MTOR: variants seen among roughly 807,000 people sequenced by gnomAD.
The protein encoded by MTOR is mechanistic target of rapamycin kinase, also known as serine/threonine-protein kinase mTOR.
In MTOR, 70 loss-of-function variants were observed where a neutral mutation model predicts 319.8. The ratio of observed to expected loss-of-function variants is 0.22; its 90% confidence interval spans 0.18 to 0.27. The LOEUF (loss-of-function observed/expected upper bound fraction) is 0.27, where lower values mean the gene tolerates loss of function less well. MTOR is among the 10% of genes least tolerant of loss of function. MTOR has a pLI of 1.00. For synonymous variants in MTOR, 1,183 were observed against 1,211.4 expected (o/e 0.98, Z 0.49); for missense variants, 1,890 against 3,274.4 (o/e 0.58, Z 10.32).
intron 19 of MTOR, among the ~76,000 whole-genome samples, chr1:11,225,682 A>G (rs1490238862): frequency 2.0e-5 from 3 of 152,196 alleles, no homozygotes; most frequent in African/African-American, 4.8e-5. Context: ...TTGGCCTCCC[A>G]AAGTGCTGGG....
At position 11,253,947 on chromosome 1, in the gene MTOR, T is replaced by C; in HGVS notation, c.732A>G (p.Gly244=). The part of the protein sequence containing the change: ...YRHTFEEAEK[G]FDETLAKEKG... ...TCTCTTTGGCCAAGGTCTCATCAAA[T>C]CCCTTCTCTGCTTCTTCAAATGTGT... Residue 244 remains glycine, a synonymous_variant, in exon 6 of 58, where the codon GGA becomes GGG. Transcript: ENST00000361445. 6.2e-7 allele frequency: 1 copy of C among 1,614,062 alleles called. No homozygotes were observed. Among genetic ancestry groups the C allele is most frequent in the Non-Finnish European group, 8.5e-7 (1 of 1,180,006 alleles).
At chr1:11,147,841 C>G (rs752202829) in intron 31 of MTOR, among the ~76,000 whole-genome samples, 1 of 152,168 alleles carries the variant, frequency 6.6e-6, no homozygotes, top group Non-Finnish European at 1.5e-5. Context: ...ATTGATAATC[C>G]TCTTAGCTGG....
At chr1:11,188,427 A>T (rs1366968198) in intron 28 of MTOR, among the ~76,000 whole-genome samples, 1 of 152,232 alleles carries the variant, frequency 6.6e-6, no homozygotes, top group Non-Finnish European at 1.5e-5. Flanking sequence ...CCAGCAAAGA[A>T]AGAGGGAAAT....
In MTOR at chr1:11,231,255, C is replaced by A. The variant is rs371075972; in HGVS notation, c.2649+45G>T. The A allele has an allele frequency of 2.5e-6, 4 of 1,610,824 alleles. No individual in the cohort carries two copies. In the African/African-American group the frequency reaches 5.3e-5, roughly 22 times the overall value. On this transcript the variant is annotated intron_variant, in intron 17 of 57. Coordinates refer to ENST00000361445, the MANE Select transcript of MTOR (RefSeq NM_004958.4). ...GCTGCAACCATCTCTCTCTTGCCATCGTCCCAGCAAAGTCTTTAAAGACCA... is the reference window on the plus strand; with the variant it reads ...GCTGCAACCATCTCTCTCTTGCCATAGTCCCAGCAAAGTCTTTAAAGACCA...
intron 54 of MTOR, among the ~76,000 whole-genome samples, chr1:11,112,297 A>G (rs1458972777): frequency 6.6e-6 from 1 of 152,176 alleles, no homozygotes; most frequent in Non-Finnish European, 1.5e-5. Context: ...CAACCCAGAC[A>G]CCATTAGTGA....
At chr1:11,138,398 AG>A (rs1643531075) in intron 36 of MTOR, among the ~76,000 whole-genome samples, 1 of 152,230 alleles carries the variant, frequency 6.6e-6, no homozygotes, top group African/African-American at 2.4e-5. Flanking sequence ...CCCAAAGACC[AG>A]GTGCCTGGGT....
At chr1:11,243,369 G>T in intron 8 of MTOR, 69 bp from the exon 9 acceptor site, 1 of 1,413,692 alleles carries the variant, frequency 7.1e-7, no homozygotes, top group Non-Finnish European at 9.7e-7. Context: ...ACAGTCAAAG[G>T]TCCTATAAAG....
chr1:11,214,513 T>G (rs1052278438), intron 20 of MTOR, among the ~76,000 whole-genome samples: 1 of 151,762 alleles, frequency 6.6e-6, no homozygotes, highest in Non-Finnish European at 1.5e-5. Context: ...GAAACCCTAC[T>G]AATGATGGCA....
intron 19 of MTOR, among the ~76,000 whole-genome samples, chr1:11,226,514 G>A (rs905111722): frequency 6.6e-6 from 1 of 152,124 alleles, no homozygotes; most frequent in African/African-American, 2.4e-5. Context: ...AAGTAGGCCG[G>A]GTACAGTGGC....
intron 24 of MTOR, among the ~76,000 whole-genome samples, chr1:11,210,179 T>C (rs1264712552): frequency 2.6e-5 from 4 of 152,218 alleles, no homozygotes; most frequent in Non-Finnish European, 5.9e-5. Flanking sequence ...TTAATCTACT[T>C]TGAGATAGGG....
chr1:11,241,922 G>T (rs958028150), intron 9 of MTOR, among the ~76,000 whole-genome samples: 2 of 152,108 alleles, frequency 1.3e-5, no homozygotes, highest in Non-Finnish European at 2.9e-5. Flanking sequence ...CCTTTTTTCT[G>T]AATTCACACA....
chr1:11,180,364 A>G (rs555907070), intron 28 of MTOR, among the ~76,000 whole-genome samples: 60 of 152,298 alleles, frequency 3.9e-4, no homozygotes, highest in Admixed American at 6.5e-4. Flanking sequence ...CAATATTGGC[A>G]CCCTGGAAAC....
At chr1:11,202,462 AT>A (rs530484103) in intron 26 of MTOR, among the ~76,000 whole-genome samples, 2 of 149,548 alleles carry the variant, frequency 1.3e-5, no homozygotes, top group South Asian at 2.1e-4. Context: ...TTAAAACAAT[AT>A]TTTTTTTGGC....
At position 11,231,394 on chromosome 1, in the gene MTOR, C is replaced by G. The variant is rs2100868289; in HGVS notation, c.2555G>C (p.Gly852Ala). Residue 852 changes from glycine (G) to alanine (A), a missense_variant, in exon 17 of 58, where the codon GGC (glycine) becomes GCC (alanine). This residue lies in a region of MTOR where 377 missense variants were observed against 653.9 expected (regional missense o/e 0.58). Transcript: ENST00000361445. ...CTTCCTGTAGGGCTCTACTACATAG[C>G]CAGTGCTGGCCACCAACTGTCCCAG... is the stretch of plus-strand genomic sequence containing the variant. The part of the protein sequence containing the change: ...WTLGQLVAST[G>A]YVVEPYRKYP... 1 of 1,614,146 alleles carries G rather than the reference C, an allele frequency of 6.2e-7. No homozygotes were observed. Among genetic ancestry groups the G allele is most frequent in the Non-Finnish European group, 8.5e-7 (1 of 1,180,010 alleles).
rs377546365 is a variant in MTOR at position 11,185,803 on chromosome 1, C to T, written c.4253+13455G>A. Among the ~76,000 whole-genome samples, 50 of 152,082 alleles carry T rather than the reference C, an allele frequency of 3.3e-4. No homozygotes were observed. The South Asian group carries it at 7.9e-3, about 24-fold the overall frequency. Reference sequence around the variant, plus strand: ...AGTGCTAGAAAGGCAGATATGTGGCCGGGCATGATGACTCACACCTGTAAT... The same window carrying T: ...AGTGCTAGAAAGGCAGATATGTGGCTGGGCATGATGACTCACACCTGTAAT... On this transcript the variant is annotated intron_variant, in intron 28 of 57. Coordinates refer to ENST00000361445, the MANE Select transcript of MTOR (RefSeq NM_004958.4).
chr1:11,146,347 G>A (rs1643928961), intron 32 of MTOR, among the ~76,000 whole-genome samples: 2 of 152,208 alleles, frequency 1.3e-5, no homozygotes, highest in African/African-American at 4.8e-5. Flanking sequence ...GCTGCACAGT[G>A]AGACTGCTGG....
At chr1:11,123,147 T>C (rs1642631051) in intron 47 of MTOR, among the ~76,000 whole-genome samples, 1 of 152,202 alleles carries the variant, frequency 6.6e-6, no homozygotes, top group Admixed American at 6.5e-5. Flanking sequence ...GCTGGATTCT[T>C]TGGAGGTTGT....
At position 11,128,580 on chromosome 1, in the gene MTOR, G is replaced by C. The variant is rs778464345; in HGVS notation, c.5812-28C>G. ...GGTATTCAAAAAGACACAGTATGTA[G>C]CATATGAGACTTGAAACAACTAGTT... On this transcript the variant is annotated intron_variant, in intron 41 of 57. Coordinates refer to ENST00000361445, the MANE Select transcript of MTOR (RefSeq NM_004958.4). This position sits in a 1 kb window ranked among gnomAD's most constrained non-coding sequence, Gnocchi z 5.3. 22 of 1,592,118 alleles carry C rather than the reference G, an allele frequency of 1.4e-5. No individual in the cohort carries two copies. Among genetic ancestry groups the C allele is most frequent in the African/African-American group, 2.7e-5 (2 of 74,480 alleles).
chr1:11,252,401 T>C (rs1369485443), intron 6 of MTOR, among the ~76,000 whole-genome samples: 1 of 152,146 alleles, frequency 6.6e-6, no homozygotes. Context: ...CCTCCCAAAG[T>C]GCTGAAATTG....
Sources: allele counts gnomAD v4.1 joint callset (sites outside exome capture counted in the v4.1 genomes callset), GRCh38; gene constraint gnomAD v4.1.1; regional missense constraint gnomAD v4.1.1; non-coding constraint Gnocchi (gnomAD v3.1); transcripts MANE v1.5; gene names NCBI Gene and HGNC (gene_info 2026-07-23, HGNC 2026-07-21).